Variants in SEM1 observed in about 807,000 individuals in gnomAD.
SEM1 encodes 26S proteasome complex subunit SEM1.
In SEM1, 3 loss-of-function variants were observed where a neutral mutation model predicts 12.7. The observed-to-expected ratio is 0.24, with a 90% CI of 0.11 to 0.61. SEM1 has a LOEUF of 0.61. Ranked by LOEUF, SEM1 falls within the 20% of genes least tolerant of loss-of-function variation. The pLI is 0.88. For synonymous variants in SEM1, 30 were observed against 27.8 expected (o/e 1.08, Z -0.25); for missense variants, 59 against 81.3 (o/e 0.73, Z 1.06).
intron 1 of SEM1, chr7:96,696,727 T>C (rs1470884746): frequency 6.6e-6 from 1 of 152,018 alleles, no homozygotes; most frequent in Admixed American, 6.6e-5. Context: ...CAAAATAGTA[T>C]GTCCAACACT....
chr7:96,511,151 C>T (rs960647305), intron 2 of SEM1, among the ~76,000 whole-genome samples: 2 of 152,088 alleles, frequency 1.3e-5, no homozygotes, highest in African/African-American at 4.8e-5. Flanking sequence ...ACTACCACCT[C>T]AGGAATTAGA....
chr7:96,643,108 C>T (rs1381117701), intron 2 of SEM1, among the ~76,000 whole-genome samples: 2 of 152,106 alleles, frequency 1.3e-5, no homozygotes, highest in Non-Finnish European at 2.9e-5. Flanking sequence ...CTCCCACCAT[C>T]CAACCTCCAA....
intron 2 of SEM1, among the ~76,000 whole-genome samples, chr7:96,617,193 TTCA>T (rs1178224088): frequency 1.3e-5 from 2 of 152,148 alleles, no homozygotes; most frequent in African/African-American, 4.8e-5. Flanking sequence ...GGGTGTTTTT[TTCA>T]TTTGTTTATG....
At chr7:96,584,882 A>G (rs1806556265) in intron 2 of SEM1, among the ~76,000 whole-genome samples, 1 of 151,210 alleles carries the variant, frequency 6.6e-6, no homozygotes. Context: ...AATTTTTTTC[A>G]AAGTTTTCAA....
intron 2 of SEM1, among the ~76,000 whole-genome samples, chr7:96,680,135 G>A (rs1003541267): frequency 6.6e-6 from 1 of 152,030 alleles, no homozygotes; most frequent in Non-Finnish European, 1.5e-5. Context: ...AAGATATGTT[G>A]TATATAGCCT....
At chr7:96,586,348 C>A (rs913425591) in intron 2 of SEM1, among the ~76,000 whole-genome samples, 20 of 152,250 alleles carry the variant, frequency 1.3e-4, no homozygotes, top group Non-Finnish European at 2.9e-4. Context: ...TGTACATGTC[C>A]CAGCAAAGAA....
At chr7:96,531,534 G>T in intron 2 of SEM1, among the ~76,000 whole-genome samples, 1 of 150,606 alleles carries the variant, frequency 6.6e-6, no homozygotes, top group East Asian at 2.0e-4. Flanking sequence ...TGTGGGCCCA[G>T]AAGGTCAAGA....
chr7:96,669,258 T>A (rs1269511917), downstream of SEM1, among the ~76,000 whole-genome samples: 1 of 152,092 alleles, frequency 6.6e-6, no homozygotes, highest in African/African-American at 2.4e-5. Flanking sequence ...AAGTCAGGAG[T>A]CAATTTTTCT....
chr7:96,641,210 C>A (rs984092349), intron 2 of SEM1, among the ~76,000 whole-genome samples: 14 of 151,452 alleles, frequency 9.2e-5, no homozygotes, highest in Non-Finnish European at 1.9e-4. Flanking sequence ...TATTTACTTT[C>A]CCATTCATAG....
At chr7:96,682,976 TAG>T (rs1789658604) in intron 2 of SEM1, among the ~76,000 whole-genome samples, 1 of 152,124 alleles carries the variant, frequency 6.6e-6, no homozygotes, top group Non-Finnish European at 1.5e-5. Context: ...CACTGGTCAT[TAG>T]AGAAATGCAA....
intron 2 of SEM1, among the ~76,000 whole-genome samples, chr7:96,507,872 A>C (rs973237623): frequency 8.6e-5 from 13 of 152,044 alleles, no homozygotes; most frequent in Admixed American, 7.9e-4. Flanking sequence ...CTGACTACCT[A>C]CTTGATAGGA....
At chr7:96,577,963 A>G (rs1806260984) in intron 2 of SEM1, among the ~76,000 whole-genome samples, 1 of 152,086 alleles carries the variant, frequency 6.6e-6, no homozygotes, top group Non-Finnish European at 1.5e-5. Flanking sequence ...TGCTTAAGGA[A>G]ATAAGAGACT....
At chr7:96,636,981 G>C (rs1808447723) in intron 2 of SEM1, among the ~76,000 whole-genome samples, 1 of 152,026 alleles carries the variant, frequency 6.6e-6, no homozygotes, top group Admixed American at 6.6e-5. Flanking sequence ...AGTATTCTCT[G>C]AGTGGAAGGA....
intron 2 of SEM1, among the ~76,000 whole-genome samples, chr7:96,676,279 T>C (rs543012218): frequency 1.0e-3 from 156 of 152,300 alleles, no homozygotes; most frequent in African/African-American, 3.6e-3. Flanking sequence ...TGCAATGACA[T>C]TGCACTGGGC....
At chr7:96,511,394 G>T (rs557777784) in intron 2 of SEM1, among the ~76,000 whole-genome samples, 26 of 152,236 alleles carry the variant, frequency 1.7e-4, no homozygotes, top group Admixed American at 5.2e-4. Flanking sequence ...CCAAGAGAGA[G>T]ATTCTTTTTG....
chr7:96,701,923 G>C (rs1238357856), intron 1 of SEM1, among the ~76,000 whole-genome samples: 1 of 152,108 alleles, frequency 6.6e-6, no homozygotes, highest in African/African-American at 2.4e-5. Context: ...CCCAAGTAGA[G>C]CAAGGAGGGC....
chr7:96,530,213 A>G (rs1017556340), intron 2 of SEM1, among the ~76,000 whole-genome samples: 6 of 152,080 alleles, frequency 3.9e-5, no homozygotes, highest in Non-Finnish European at 7.4e-5. Context: ...GTGGGTGGCA[A>G]TTGACAGCTG....
chr7:96,553,466 G>A (rs1306176661), intron 2 of SEM1, among the ~76,000 whole-genome samples: 1 of 147,638 alleles, frequency 6.8e-6, no homozygotes, highest in Non-Finnish European at 1.5e-5. Flanking sequence ...TTTCCCCATT[G>A]CTTGTTTTTC....
At chr7:96,549,627 T>C (rs1805205032) in intron 2 of SEM1, among the ~76,000 whole-genome samples, 2 of 152,198 alleles carry the variant, frequency 1.3e-5, no homozygotes, top group Admixed American at 6.5e-5. Context: ...ATTTGAATTG[T>C]CTTGGAGGTA....
Sources: allele counts gnomAD v4.1 joint callset (sites outside exome capture counted in the v4.1 genomes callset), GRCh38; gene constraint gnomAD v4.1.1; transcripts MANE v1.5; gene names NCBI Gene and HGNC (gene_info 2026-07-23, HGNC 2026-07-21).